RTN1: variants seen among roughly 807,000 people sequenced by gnomAD.
RTN1 encodes reticulon-1.
In RTN1, 25 loss-of-function variants were observed where a neutral mutation model predicts 65.5. The ratio of observed to expected loss-of-function variants is 0.38; its 90% confidence interval spans 0.28 to 0.53. RTN1 has a LOEUF of 0.53. RTN1 is among the 20% of genes least tolerant of loss of function. The pLI is 0.79. For missense variants in RTN1, 983 were observed against 1,025.4 expected (o/e 0.96, Z 0.57); for synonymous variants, 471 against 447.6 (o/e 1.05, Z -0.66).
At chr14:59,640,483 A>C (rs1252365541) in intron 3 of RTN1, among the ~76,000 whole-genome samples, 2 of 151,858 alleles carry the variant, frequency 1.3e-5, no homozygotes, top group East Asian at 1.9e-4. Context: ...CGCACAGCTG[A>C]TTTTTGTATT....
At chr14:59,726,399 C>A (rs1314955886) in intron 3 of RTN1, among the ~76,000 whole-genome samples, 2 of 152,152 alleles carry the variant, frequency 1.3e-5, no homozygotes, top group Non-Finnish European at 2.9e-5. Flanking sequence ...GACATAAAAA[C>A]CTTACCAAGG....
intron 1 of RTN1, among the ~76,000 whole-genome samples, chr14:59,864,201 C>T (rs916379108): frequency 3.9e-5 from 6 of 152,188 alleles, no homozygotes; most frequent in African/African-American, 1.4e-4. Flanking sequence ...AATCTATCCA[C>T]TCCTCTCTAC....
intron 1 of RTN1, among the ~76,000 whole-genome samples, chr14:59,805,763 T>A (rs1011483730): frequency 6.6e-6 from 1 of 152,142 alleles, no homozygotes; most frequent in African/African-American, 2.4e-5. Context: ...ATATTATAAA[T>A]TTTACATTAT....
intron 3 of RTN1, 73 bp from the exon 4 acceptor site, chr14:59,607,565 C>A: frequency 7.5e-7 from 1 of 1,325,686 alleles, no homozygotes; most frequent in Non-Finnish European, 1.1e-6. Flanking sequence ...GCTCACTCCA[C>A]CAAGCTGTGG....
intron 3 of RTN1, among the ~76,000 whole-genome samples, chr14:59,692,139 C>G (rs1283729053): frequency 6.6e-6 from 1 of 152,156 alleles, no homozygotes; most frequent in Non-Finnish European, 1.5e-5. Context: ...GGAAGTCGAA[C>G]TATCTCTCTT....
chr14:59,849,221 A>G lies in RTN1; in HGVS notation c.241+21169T>C, dbSNP rs1429752723. Among the ~76,000 whole-genome samples the G allele has an allele frequency of 6.6e-6, 1 of 152,216 alleles. No homozygotes were observed. Among genetic ancestry groups the G allele is most frequent in the African/African-American group, 2.4e-5 (1 of 41,446 alleles). On this transcript the variant is annotated intron_variant, in intron 1 of 8. Coordinates refer to ENST00000267484, the MANE Select transcript of RTN1 (RefSeq NM_021136.3). This position sits in a 1 kb window ranked among gnomAD's most constrained non-coding sequence, Gnocchi z 4.5. ...ATAAAGCTAATCTAAGAAGGTATATAAAGTGTTTATCACAGTACCTGCCTG... is the reference window on the plus strand; with the variant it reads ...ATAAAGCTAATCTAAGAAGGTATATGAAGTGTTTATCACAGTACCTGCCTG...
At position 59,727,655 on chromosome 14, in the gene RTN1, T is replaced by A. The variant is rs1255608057; in HGVS notation, c.1029A>T (p.Ala343=). 1.9e-5 allele frequency: 31 copies of A among 1,603,126 alleles called. 1 individual carries two copies. The Admixed American group carries it at 3.6e-4, about 18-fold the overall frequency. ...PPSSGTEPSA[A]ESQGKGSISE... is the part of the protein sequence containing the mutation. ...AGATGCTGCCTTTCCCCTGGGATTCTGCAGCAGATGGTTCTGTCGTCCCAC... is the reference window on the plus strand; with the variant it reads ...AGATGCTGCCTTTCCCCTGGGATTCAGCAGCAGATGGTTCTGTCGTCCCAC... Residue 343 remains alanine, a synonymous_variant, in exon 3 of 9, where the codon GCA becomes GCT. Transcript: ENST00000267484. This position sits in a 1 kb window ranked among gnomAD's most constrained non-coding sequence, Gnocchi z 4.2.
chr14:59,772,766 T>C (rs1423100843), intron 1 of RTN1, among the ~76,000 whole-genome samples: 2 of 152,140 alleles, frequency 1.3e-5, no homozygotes, highest in East Asian at 1.9e-4. Flanking sequence ...ACAAACACTT[T>C]AGGCAACCCA....
chr14:59,620,881 A>G (rs1882236697), intron 3 of RTN1, among the ~76,000 whole-genome samples: 1 of 152,218 alleles, frequency 6.6e-6, no homozygotes, highest in Admixed American at 6.5e-5. Context: ...ATTGAAATGA[A>G]CAACCCTGGG....
chr14:59,632,780 C>T (rs1882581737), intron 3 of RTN1, among the ~76,000 whole-genome samples: 1 of 152,058 alleles, frequency 6.6e-6, no homozygotes, highest in Non-Finnish European at 1.5e-5. Context: ...CTTTCTGGGC[C>T]AGGCGTTTTC....
At chr14:59,709,513 G>A (rs1288741670) in intron 3 of RTN1, among the ~76,000 whole-genome samples, 2 of 152,068 alleles carry the variant, frequency 1.3e-5, no homozygotes, top group African/African-American at 2.4e-5. Context: ...TAGAGTGAGC[G>A]GATGCACAAC....
At chr14:59,667,943 G>A (rs977979956) in intron 3 of RTN1, among the ~76,000 whole-genome samples, 5 of 152,128 alleles carry the variant, frequency 3.3e-5, no homozygotes, top group Non-Finnish European at 7.4e-5. Context: ...ACTGCTCAAC[G>A]AAATAAAAGA....
chr14:59,714,232 TAAAAAAAAAAAA>T (rs66785056), intron 3 of RTN1, among the ~76,000 whole-genome samples: 2 of 127,962 alleles, frequency 1.6e-5, no homozygotes, highest in East Asian at 2.4e-4. Context: ...AGACTCCGTC[TAAAAAAAAAAAA>T]AAAAAAAAAA....
chr14:59,770,130 C>A (rs1284938090), intron 1 of RTN1, among the ~76,000 whole-genome samples: 1 of 151,996 alleles, frequency 6.6e-6, no homozygotes, highest in African/African-American at 2.4e-5. Context: ...GTAATCCCAG[C>A]ACTTTGGGAG....
intron 3 of RTN1, among the ~76,000 whole-genome samples, chr14:59,721,045 A>T (rs190366123): frequency 1.3e-5 from 2 of 152,298 alleles, no homozygotes; most frequent in African/African-American, 4.8e-5. Flanking sequence ...TAAATGGGTC[A>T]TACTTATTTT....
chr14:59,776,204 T>A (rs1472684649), intron 1 of RTN1, among the ~76,000 whole-genome samples: 1 of 152,054 alleles, frequency 6.6e-6, no homozygotes, highest in Non-Finnish European at 1.5e-5. Flanking sequence ...CCCCCAAAGT[T>A]CATGTGTTGG....
intron 1 of RTN1, among the ~76,000 whole-genome samples, chr14:59,782,362 A>C (rs558993806): frequency 3.3e-5 from 5 of 152,330 alleles, no homozygotes; most frequent in Admixed American, 3.3e-4. Context: ...AATCTGTTGG[A>C]GAAGGAGAAA....
intron 1 of RTN1, among the ~76,000 whole-genome samples, chr14:59,783,399 G>A (rs2139577748): frequency 6.6e-6 from 1 of 152,272 alleles, no homozygotes; most frequent in South Asian, 2.1e-4. Flanking sequence ...TCAAGAGGCT[G>A]GGTGCTTAGG....
rs1393877895 is a variant in RTN1, at chr14:59,870,512, G to A, written c.119C>T (p.Pro40Leu). 6.2e-6 allele frequency: 9 copies of A among 1,456,944 alleles called. No homozygotes were observed. Among genetic ancestry groups the A allele is most frequent in the Non-Finnish European group, 8.1e-6 (9 of 1,110,462 alleles). 90.3% of individuals were successfully genotyped at this position (1,456,944 alleles called of 1,614,324 possible). The change falls in exon 1 of 9, where the codon CCG becomes CTG. Residue 40 changes from proline (P) to leucine (L), a missense_variant. Transcript: ENST00000267484. The surrounding 1 kb of genome is among the most constrained non-coding windows in gnomAD (Gnocchi z 5.1). Reference sequence around the variant, plus strand: ...GCTGGGCTCCCCAGCCTGCGGCGCCGGCGTGGCCCCTTTCGGCGTCACCGC... The same window carrying A: ...GCTGGGCTCCCCAGCCTGCGGCGCCAGCGTGGCCCCTTTCGGCGTCACCGC... Reference protein sequence around the residue: ...NEAVTPKGATPAPQAGEPSPG... With the variant: ...NEAVTPKGATLAPQAGEPSPG...
Sources: allele counts gnomAD v4.1 joint callset (sites outside exome capture counted in the v4.1 genomes callset), GRCh38; gene constraint gnomAD v4.1.1; non-coding constraint Gnocchi (gnomAD v3.1); transcripts MANE v1.5; gene names NCBI Gene and HGNC (gene_info 2026-07-23, HGNC 2026-07-21).